The following MR1 variants were observed in gnomAD, a reference collection of about 807,000 sequenced individuals.
The protein encoded by MR1 is major histocompatibility complex class I-related protein 1.
A neutral mutation model predicts 37.8 loss-of-function variants in MR1; 44 were observed. The ratio of observed to expected loss-of-function variants is 1.16; its 90% CI spans 0.91 to 1.50. MR1 has a LOEUF of 1.50. Among genes scored for constraint, MR1 ranks in the 40% most tolerant of loss-of-function variants. MR1 has a pLI of 0.00. For missense variants in MR1, 386 were observed against 419.1 expected (o/e 0.92, Z 0.69); for synonymous variants, 153 against 155.8 (o/e 0.98, Z 0.13).
chr1:181,055,171 T>C (rs1435447590), intron 5 of MR1, 54 bp from the exon 6 acceptor site: 2 of 1,560,850 alleles, frequency 1.3e-6, no homozygotes, highest in East Asian at 4.5e-5. Flanking sequence ...TACTTTATTT[T>C]TGAGCTGTGA....
At chr1:181,050,567 G>GGGA in intron 3 of MR1, 1 of 414,154 alleles carries the variant, frequency 2.4e-6, no homozygotes, top group Non-Finnish European at 4.5e-6. Flanking sequence ...TTCCGTCAAT[G>GGGA]ATAAGCTGGG....
At chr1:181,046,922 C>G (rs1451344517) in intron 1 of MR1, among the ~76,000 whole-genome samples, 1 of 152,110 alleles carries the variant, frequency 6.6e-6, no homozygotes, top group Non-Finnish European at 1.5e-5. Flanking sequence ...GAGCACCAAC[C>G]CAACAGAAAG....
rs1244475858 is a variant in MR1, at chr1:181,055,397, T to G, written c.*132T>G. 1.3e-6 allele frequency: 1 copy of G among 779,612 alleles called. No homozygotes were observed. Among genetic ancestry groups the G allele is most frequent in the Admixed American group, 2.5e-5 (1 of 39,798 alleles). 48.3% of individuals were successfully genotyped at this position (779,612 alleles called of 1,614,324 possible). A position where few individuals can be genotyped will look rare whatever the true frequency, so the allele number is the denominator to read the frequency against. ...TACATGAGAGTAATGGGATTGAGCA[T>G]TTATGGCAGCAACAGAGGAGCCACA... On this transcript the variant is annotated 3_prime_UTR_variant, in exon 6 of 6. Transcript: ENST00000367580.
At chr1:181,034,216 C>G (rs1281219177) in intron 1 of MR1, 142 bp downstream of exon 1, 6 of 643,126 alleles carry the variant, frequency 9.3e-6, no homozygotes, top group Non-Finnish European at 1.5e-5. Flanking sequence ...ACTCCAGGAG[C>G]AATGGATTGC....
At chr1:181,050,425 C>A in intron 3 of MR1, 139 bp downstream of exon 3, 1 of 1,124,540 alleles carries the variant, frequency 8.9e-7, no homozygotes, top group Non-Finnish European at 1.3e-6. Flanking sequence ...TGGCTAGAGC[C>A]CCCACGAAAA....
At chr1:181,048,937 G>T in intron 1 of MR1, 115 bp from the exon 2 acceptor site, 2 of 1,344,198 alleles carry the variant, frequency 1.5e-6, no homozygotes, top group Admixed American at 2.2e-5. Context: ...CAGCTGGGGC[G>T]TGGAGGCCTG....
chr1:181,052,936 G>A (rs111999364), intron 4 of MR1, among the ~76,000 whole-genome samples: 2,900 of 151,648 alleles, frequency 0.019, 36 homozygotes, highest in Non-Finnish European at 0.025. Flanking sequence ...GCATGGTGGC[G>A]CATGCCTGTA....
In MR1 at chr1:181,057,274, A is replaced by G. The variant is rs1423077747; in HGVS notation, c.*2009A>G. On this transcript the variant is annotated 3_prime_UTR_variant, in exon 6 of 6. Transcript: ENST00000367580. ...TGCCTGTTGAGTTGCATAGAAGCAC[A>G]GTTGTGTTTATTTTGTTTTTAGGGT... is the stretch of plus-strand genomic sequence containing the variant. The G allele has an allele frequency of 6.6e-6, 1 of 152,186 alleles. No homozygotes were observed. Among genetic ancestry groups the G allele is most frequent in the Non-Finnish European group, 1.5e-5 (1 of 68,072 alleles). The allele number at this position is 152,186 out of a possible 1,614,324, so 9.4% of individuals were successfully genotyped here.
In MR1 at chr1:181,044,043, A is replaced by G. The variant is rs542237763; in HGVS notation, c.68-5009A>G. ...CAGTGGCGTGATCTTGGCTCACTGC[A>G]AGCTCCGCCTCCCGGGTTCACACCA... On this transcript the variant is annotated intron_variant, in intron 1 of 5. Coordinates refer to ENST00000367580, the MANE Select transcript of MR1 (RefSeq NM_001385161.1). Among the ~76,000 whole-genome samples, 511 of 146,478 alleles carry G rather than the reference A, an allele frequency of 3.5e-3. 3 individuals carry two copies. The highest frequency in any genetic ancestry group is 0.012 in the African/African-American group (487 of 39,166).
At chr1:181,052,083 C>T (rs1044849061) in intron 3 of MR1, 152 bp from the exon 4 acceptor site, 5 of 841,172 alleles carry the variant, frequency 5.9e-6, no homozygotes, top group African/African-American at 5.2e-5. Flanking sequence ...TACGTAAATA[C>T]GTTTGTTGTT....
intron 1 of MR1, among the ~76,000 whole-genome samples, chr1:181,047,703 C>T (rs1161923263): frequency 6.6e-6 from 1 of 151,554 alleles, no homozygotes; most frequent in Non-Finnish European, 1.5e-5. Flanking sequence ...TGAGACCAGC[C>T]TGGTCAATAT....
rs1658786354 is a variant in MR1, at chr1:181,059,194, C to T, written c.*3929C>T. ...TTTTTTTTCCCCAATAGCTTCAGGACATTCAGTACATTGTGCTTTTTAGAG... is the reference window on the plus strand; with the variant it reads ...TTTTTTTTCCCCAATAGCTTCAGGATATTCAGTACATTGTGCTTTTTAGAG... On this transcript the variant is annotated 3_prime_UTR_variant, in exon 6 of 6. Coordinates refer to ENST00000367580, the MANE Select transcript of MR1 (RefSeq NM_001385161.1). 1 of 152,060 alleles carries T rather than the reference C, an allele frequency of 6.6e-6. No homozygotes were observed. Among genetic ancestry groups the T allele is most frequent in the Admixed American group, 6.6e-5 (1 of 15,248 alleles). The allele number at this position is 152,060 out of a possible 1,614,324, so 9.4% of individuals were successfully genotyped here. A position where few individuals can be genotyped will look rare whatever the true frequency, so the allele number is the denominator to read the frequency against.
At chr1:181,049,464 T>C in intron 2 of MR1, 152 bp downstream of exon 2, 1 of 890,570 alleles carries the variant, frequency 1.1e-6, no homozygotes, top group Non-Finnish European at 1.7e-6. Context: ...GGGCCTCCCA[T>C]CTGCCTGTGC....
At chr1:181,054,036 G>A (rs1197546685) in intron 5 of MR1, among the ~76,000 whole-genome samples, 1 of 152,182 alleles carries the variant, frequency 6.6e-6, no homozygotes. Flanking sequence ...AGTGTCCTTT[G>A]TTTCAAGACT....
Position 181,049,157 on chromosome 1 carries a change from A to G in MR1, c.173A>G (p.Tyr58Cys), listed in dbSNP as rs754025032. 6.2e-6 allele frequency: 10 copies of G among 1,614,194 alleles called. No homozygotes were observed. The highest frequency in any genetic ancestry group is 8.5e-6 in the Non-Finnish European group (10 of 1,180,026). The change falls in exon 2 of 6, where the codon TAT (tyrosine) becomes TGT (cysteine). Residue 58 changes from tyrosine (Y) to cysteine (C), a missense_variant. By Grantham distance (194) the Tyr-to-Cys change is radical. Transcript: ENST00000367580. ...GYVDSHPITT[Y>C]DSVTRQKEPR... ...GTGGACTCGCACCCTATCACCACAT[A>G]TGACAGTGTCACTCGGCAGAAGGAG...
intron 4 of MR1, among the ~76,000 whole-genome samples, chr1:181,053,150 C>T (rs1029615582): frequency 4.6e-5 from 7 of 151,880 alleles, no homozygotes; most frequent in East Asian, 3.9e-4. Flanking sequence ...GGGAGGCTGA[C>T]GCGAGTGAAC....
At chr1:181,041,057 G>A (rs933055994) in intron 1 of MR1, among the ~76,000 whole-genome samples, 1 of 150,844 alleles carries the variant, frequency 6.6e-6, no homozygotes, top group Non-Finnish European at 1.5e-5. Context: ...ACTCCAGCCC[G>A]GGTGACAGAG....
rs200694797 is a variant in MR1 at position 181,050,239 on chromosome 1, G to A, written c.557G>A (p.Trp186Ter). Reference sequence around the variant, plus strand: ...TGGCTGGAAGAAGAATGTATTGCCTGGCTAAAGAGATTCCTGGAGTATGGG... The same window carrying A: ...TGGCTGGAAGAAGAATGTATTGCCTAGCTAAAGAGATTCCTGGAGTATGGG... ...KNWLEEECIA[W>*]LKRFLEYGKD... The change falls in exon 3 of 6, where the codon TGG (tryptophan) becomes TAG (stop). Residue 186 changes from tryptophan (W) to a stop codon, truncating the protein, a stop_gained. Coordinates refer to ENST00000367580, the MANE Select transcript of MR1 (RefSeq NM_001385161.1). LOFTEE classifies it high-confidence loss of function. 2.5e-6 allele frequency: 4 copies of A among 1,614,222 alleles called. No homozygotes were observed. The highest frequency in any genetic ancestry group is 1.7e-5 in the Admixed American group (1 of 60,024).
At chr1:181,038,240 C>T (rs557852486) in intron 1 of MR1, among the ~76,000 whole-genome samples, 6 of 152,278 alleles carry the variant, frequency 3.9e-5, no homozygotes, top group East Asian at 1.9e-4. Flanking sequence ...TTGTCACAGT[C>T]GCCACTTTTA....
Sources: allele counts gnomAD v4.1 joint callset (sites outside exome capture counted in the v4.1 genomes callset), GRCh38; gene constraint gnomAD v4.1.1; transcripts MANE v1.5; gene names NCBI Gene and HGNC (gene_info 2026-07-23, HGNC 2026-07-21).